Variants in SEMA6D observed in about 807,000 individuals in gnomAD.
SEMA6D encodes semaphorin 6D.
In SEMA6D, 35 loss-of-function variants were observed where a neutral mutation model predicts 106.6. That is an observed-to-expected ratio of 0.33 (90% CI 0.25 to 0.44). The LOEUF (loss-of-function observed/expected upper bound fraction) is 0.44, where lower values mean the gene tolerates loss of function less well. SEMA6D is among the 20% of genes least tolerant of loss of function. The pLI, the probability that SEMA6D is intolerant of heterozygous loss-of-function variation, is 1.00. For missense variants in SEMA6D, 1,185 were observed against 1,345.9 expected, an observed-to-expected ratio of 0.88 and a Z score of 1.87; for synonymous variants, 499 against 487.7, an observed-to-expected ratio of 1.02 and a Z score of -0.31.
intron 2 of SEMA6D, among the ~76,000 whole-genome samples, chr15:47,460,736 A>G (rs1250051834): frequency 6.6e-6 from 1 of 152,160 alleles, no homozygotes; most frequent in African/African-American, 2.4e-5. Flanking sequence ...TAATAGAATC[A>G]TCAAACTGGG....
intron 2 of SEMA6D, among the ~76,000 whole-genome samples, chr15:47,466,622 G>A (rs1384652471): frequency 6.6e-6 from 1 of 151,960 alleles, no homozygotes. Flanking sequence ...GAATGTGGGA[G>A]TGCACATATC....
chr15:47,547,713 T>C (rs2045566234), intron 3 of SEMA6D, among the ~76,000 whole-genome samples: 1 of 152,150 alleles, frequency 6.6e-6, no homozygotes, highest in Non-Finnish European at 1.5e-5. Flanking sequence ...GCATACAGCA[T>C]AAAGGAAATC....
At chr15:47,729,549 G>A (rs1193011953) in intron 1 of SEMA6D, among the ~76,000 whole-genome samples, 1 of 152,176 alleles carries the variant, frequency 6.6e-6, no homozygotes, top group South Asian at 2.1e-4. Flanking sequence ...TCTGGCTCTG[G>A]CACTGCCCCT....
chr15:47,203,722 A>G (rs1008353704), intron 1 of SEMA6D, among the ~76,000 whole-genome samples: 6 of 152,176 alleles, frequency 3.9e-5, no homozygotes, highest in Non-Finnish European at 1.5e-5. Flanking sequence ...ACCCTTTATG[A>G]TAGGGAGGAA....
intron 4 of SEMA6D, among the ~76,000 whole-genome samples, chr15:47,688,113 A>T (rs1159251035): frequency 6.6e-6 from 1 of 152,156 alleles, no homozygotes; most frequent in East Asian, 1.9e-4. Context: ...GAGACAAGAG[A>T]ATTAGATATA....
chr15:47,332,916 A>G (rs1474103914), intron 1 of SEMA6D, among the ~76,000 whole-genome samples: 1 of 152,200 alleles, frequency 6.6e-6, no homozygotes, highest in Non-Finnish European at 1.5e-5. Context: ...TCATTTATCT[A>G]GTGTTACCAC....
rs2035485494 is a variant in SEMA6D at position 47,288,949 on chromosome 15, T to C, written c.-239+104531T>C. Among the ~76,000 whole-genome samples, 3 of 152,278 alleles carry C rather than the reference T, an allele frequency of 2.0e-5. No individual in the cohort carries two copies. In the South Asian group the frequency reaches 6.2e-4, roughly 32 times the overall value. On this transcript the variant is annotated intron_variant, in intron 1 of 19. Coordinates refer to the SEMA6D transcript ENST00000558014. ...AGTTAATCCCATTTACTTTTCCTGT[T>C]TGGGCAACCAGCTGTTTGAGGTTGC...
chr15:47,325,784 A>G (rs1009193492), intron 1 of SEMA6D, among the ~76,000 whole-genome samples: 2 of 152,178 alleles, frequency 1.3e-5, no homozygotes, highest in African/African-American at 2.4e-5. Flanking sequence ...TGAAGAGACC[A>G]ATTTACATAT....
chr15:47,591,414 A>C (rs955781602), intron 3 of SEMA6D, among the ~76,000 whole-genome samples: 1 of 152,136 alleles, frequency 6.6e-6, no homozygotes, highest in African/African-American at 2.4e-5. Flanking sequence ...TCCACATGAC[A>C]GGTGCTTCAT....
chr15:47,524,379 G>A (rs1018533433), intron 3 of SEMA6D, among the ~76,000 whole-genome samples: 2 of 152,052 alleles, frequency 1.3e-5, no homozygotes, highest in Admixed American at 1.3e-4. Context: ...CCTGCATACC[G>A]TTCCCCCTTG....
At chr15:47,464,610 G>A (rs1341291509) in intron 2 of SEMA6D, among the ~76,000 whole-genome samples, 1 of 152,096 alleles carries the variant, frequency 6.6e-6, no homozygotes, top group African/African-American at 2.4e-5. Flanking sequence ...CTAATTCCCT[G>A]CCACCACTGT....
At chr15:47,735,217 C>A (rs559624299) in intron 1 of SEMA6D, among the ~76,000 whole-genome samples, 1 of 152,288 alleles carries the variant, frequency 6.6e-6, no homozygotes, top group South Asian at 2.1e-4. Flanking sequence ...AAACAGACCC[C>A]ACAATGTGGT....
At chr15:47,768,448 A>T in intron 17 of SEMA6D, 133 bp from the exon 18 acceptor site, 1 of 649,962 alleles carries the variant, frequency 1.5e-6, no homozygotes, top group Non-Finnish European at 2.5e-6. Flanking sequence ...TAGCTTCCTC[A>T]GGCGTGTTTT....
At chr15:47,418,016 T>C (rs183059657) in intron 2 of SEMA6D, among the ~76,000 whole-genome samples, 131 of 152,180 alleles carry the variant, frequency 8.6e-4, no homozygotes, top group African/African-American at 3.1e-3. Flanking sequence ...AGCATTTATA[T>C]ATTTTATATG....
At chr15:47,706,234 C>T (rs2078909812) in intron 4 of SEMA6D, among the ~76,000 whole-genome samples, 1 of 152,182 alleles carries the variant, frequency 6.6e-6, no homozygotes, top group South Asian at 2.1e-4. Flanking sequence ...TTTGTCCCAT[C>T]TCTACTCTTG....
At chr15:47,766,755 C>T (rs182377249) in intron 16 of SEMA6D, 78 bp downstream of exon 16, 648 of 1,010,872 alleles carry the variant, frequency 6.4e-4, no homozygotes, top group Non-Finnish European at 8.7e-4. Context: ...TACAATCAGT[C>T]TTTTTAATGA....
At chr15:47,252,484 C>T (rs2033578398) in intron 1 of SEMA6D, among the ~76,000 whole-genome samples, 1 of 152,096 alleles carries the variant, frequency 6.6e-6, no homozygotes, top group Admixed American at 6.5e-5. Flanking sequence ...TGTAATAAAA[C>T]ATTAGAACTT....
chr15:47,691,026 T>C (rs996136933), intron 4 of SEMA6D, among the ~76,000 whole-genome samples: 9 of 152,154 alleles, frequency 5.9e-5, no homozygotes, highest in Non-Finnish European at 1.3e-4. Context: ...GCGTTGTCTG[T>C]GTTGTCTCGT....
chr15:47,503,012 A>G (rs1330537478), intron 3 of SEMA6D, among the ~76,000 whole-genome samples: 1 of 152,200 alleles, frequency 6.6e-6, no homozygotes, highest in African/African-American at 2.4e-5. Context: ...AATATAAGTG[A>G]CAATATTTTT....
Sources: allele counts gnomAD v4.1 joint callset (sites outside exome capture counted in the v4.1 genomes callset), GRCh38; gene constraint gnomAD v4.1.1; transcripts MANE v1.5; gene names NCBI Gene and HGNC (gene_info 2026-07-23, HGNC 2026-07-21).